The following RCOR1 variants were observed in gnomAD, a reference collection of about 807,000 sequenced individuals.
The protein encoded by RCOR1 is REST corepressor 1.
RCOR1 carries 12 observed loss-of-function variants against 64.0 expected under a neutral mutation model. That is an observed-to-expected ratio of 0.19 (90% confidence interval 0.12 to 0.30). The LOEUF is 0.30. Among genes scored for constraint, RCOR1 ranks in the 10% least tolerant of loss-of-function variants. RCOR1 has a pLI of 1.00. For missense variants in RCOR1, 502 were observed against 621.2 expected, an observed-to-expected ratio of 0.81 and a Z score of 2.04; for synonymous variants, 279 against 227.2, an observed-to-expected ratio of 1.23 and a Z score of -2.05.
intron 2 of RCOR1, chr14:102,655,974 C>CAA (rs1431681895): frequency 1.0e-6 from 1 of 983,854 alleles, no homozygotes; most frequent in African/African-American, 1.8e-5. Context: ...CACACACACA[C>CAA]ACACACACAC....
Position 102,659,369 on chromosome 14 carries a change from A to G in RCOR1, c.362-22526A>G, listed in dbSNP as rs372871632. The stretch of plus-strand genomic sequence containing the variant: ...AAAGTCTTCCGTTTTTATTTTGGCT[A>G]TTCTGGTGGTGGGTAACAATATTAA... On this transcript the variant is annotated intron_variant, in intron 2 of 11. Transcript: ENST00000262241. 2.2e-5 allele frequency: 14 copies of G among 624,872 alleles called. No individual in the cohort carries two copies. The East Asian group carries it at 1.1e-3, about 50-fold the overall frequency. 38.7% of individuals were successfully genotyped at this position (624,872 alleles called of 1,614,324 possible). A position where few individuals can be genotyped will look rare whatever the true frequency, so the allele number is the denominator to read the frequency against.
At chr14:102,682,370 TC>T (rs1457147287) in intron 3 of RCOR1, among the ~76,000 whole-genome samples, 7 of 152,194 alleles carry the variant, frequency 4.6e-5, no homozygotes, top group Non-Finnish European at 8.8e-5. Context: ...CTTCAGGTGA[TC>T]CGCCTGCCAT....
chr14:102,695,936 G>A (rs1054745531), intron 3 of RCOR1, among the ~76,000 whole-genome samples: 7 of 151,924 alleles, frequency 4.6e-5, no homozygotes, highest in African/African-American at 1.7e-4. Flanking sequence ...CAGTTTCTTT[G>A]TGAATGAGAG....
intron 4 of RCOR1, among the ~76,000 whole-genome samples, chr14:102,706,125 A>C (rs1895850597): frequency 6.8e-6 from 1 of 147,484 alleles, no homozygotes; most frequent in Non-Finnish European, 1.5e-5. Flanking sequence ...AAAAAAAAAA[A>C]AAAAAAAAAA....
intron 8 of RCOR1, among the ~76,000 whole-genome samples, chr14:102,719,502 TGGTTTTCTGTCCTTGC>T (rs1896134876): frequency 6.6e-6 from 1 of 152,186 alleles, no homozygotes; most frequent in African/African-American, 2.4e-5. Context: ...ATGCGGTGTT[TGGTTTTCTGTCCTTGC>T]GATAGTTTGC....
At chr14:102,674,918 G>T (rs1257225980) in intron 2 of RCOR1, among the ~76,000 whole-genome samples, 1 of 151,736 alleles carries the variant, frequency 6.6e-6, no homozygotes. Flanking sequence ...AAATTAGCAG[G>T]GCGTGGTGGC....
Position 102,592,837 on chromosome 14 carries a change from C to G in RCOR1, c.-50C>G. On this transcript the variant is annotated 5_prime_UTR_variant, in exon 1 of 12. Transcript: ENST00000262241. ...CCCTCCCCCGTCTCGGCGCCCCCTC[C>G]TCAGGAGCCGCGGGTCCCCGCCACT... 8.5e-7 allele frequency: 1 copy of G among 1,177,088 alleles called. No homozygotes were observed. Among genetic ancestry groups the G allele is most frequent in the Non-Finnish European group, 1.0e-6 (1 of 954,590 alleles). 72.9% of individuals were successfully genotyped at this position (1,177,088 alleles called of 1,614,324 possible).
At chr14:102,670,267 TA>T (rs1895005445) in intron 2 of RCOR1, among the ~76,000 whole-genome samples, 2 of 152,230 alleles carry the variant, frequency 1.3e-5, no homozygotes, top group Admixed American at 1.3e-4. Context: ...TTTACCTTTT[TA>T]AAAAGCTTTA....
intron 2 of RCOR1, among the ~76,000 whole-genome samples, chr14:102,626,649 G>C (rs1893987863): frequency 6.6e-6 from 1 of 152,184 alleles, no homozygotes; most frequent in Non-Finnish European, 1.5e-5. Flanking sequence ...AAAAGCAGCT[G>C]ATTTGGGGTA....
At chr14:102,650,939 T>C in intron 2 of RCOR1, 1 of 745,086 alleles carries the variant, frequency 1.3e-6, no homozygotes, top group Non-Finnish European at 1.6e-6. Context: ...AATTATCTTA[T>C]TACTAATAAT....
Position 102,681,477 on chromosome 14 carries a change from T to C in RCOR1, c.362-418T>C, listed in dbSNP as rs550539760. Among the ~76,000 whole-genome samples the C allele has an allele frequency of 3.3e-5, 5 of 152,150 alleles. No individual in the cohort carries two copies. In the South Asian group the frequency reaches 1.0e-3, roughly 32 times the overall value. On this transcript the variant is annotated intron_variant, in intron 2 of 11. Coordinates refer to ENST00000262241, the MANE Select transcript of RCOR1 (RefSeq NM_015156.4). ...AGAAGTTTCCTTTCAGGTTAAACTT[T>C]TTAAATAGTTATTCTTTAATAATGC... is the stretch of plus-strand genomic sequence containing the variant.
chr14:102,607,307 TTG>T (rs1893531302), intron 2 of RCOR1, among the ~76,000 whole-genome samples: 1 of 152,180 alleles, frequency 6.6e-6, no homozygotes, highest in African/African-American at 2.4e-5. Context: ...TAGGGAAAAA[TTG>T]TCTTTTAAAT....
At chr14:102,698,713 G>A (rs999875746) in intron 3 of RCOR1, among the ~76,000 whole-genome samples, 18 of 152,086 alleles carry the variant, frequency 1.2e-4, no homozygotes, top group African/African-American at 4.3e-4. Context: ...TTCTAGGTCT[G>A]GTATGCTGCC....
At chr14:102,705,315 C>T (rs1039611011) in intron 4 of RCOR1, among the ~76,000 whole-genome samples, 2 of 152,272 alleles carry the variant, frequency 1.3e-5, no homozygotes, top group African/African-American at 2.4e-5. Context: ...TTCCGAATCA[C>T]GTTCTAATTG....
At chr14:102,628,408 C>T (rs1372109487) in intron 2 of RCOR1, among the ~76,000 whole-genome samples, 3 of 152,110 alleles carry the variant, frequency 2.0e-5, no homozygotes, top group Non-Finnish European at 4.4e-5. Flanking sequence ...AATATAGTCC[C>T]TATAAGAGCT....
At chr14:102,628,445 G>A (rs1194768088) in intron 2 of RCOR1, among the ~76,000 whole-genome samples, 5 of 151,212 alleles carry the variant, frequency 3.3e-5, no homozygotes, top group Admixed American at 1.3e-4. Flanking sequence ...TCCACTACCC[G>A]CTCCCCCGCT....
At chr14:102,669,309 G>GA (rs11407477) in intron 2 of RCOR1, among the ~76,000 whole-genome samples, 39,778 of 131,960 alleles carry the variant, frequency 0.3, 6,252 homozygotes, top group African/African-American at 0.44. Flanking sequence ...AACTCGGTCT[G>GA]AAAAAAAAAA....
intron 2 of RCOR1, among the ~76,000 whole-genome samples, chr14:102,609,054 T>A (rs1442996885): frequency 4.0e-5 from 6 of 149,724 alleles, no homozygotes; most frequent in Non-Finnish European, 7.4e-5. Flanking sequence ...TTTTTTAAAT[T>A]TTTATTTTGA....
chr14:102,651,317 G>C (rs546926764), intron 2 of RCOR1, among the ~76,000 whole-genome samples: 6 of 152,170 alleles, frequency 3.9e-5, no homozygotes, highest in Non-Finnish European at 8.8e-5. Context: ...CACTTTAGGA[G>C]GCCGAGGAAG....
Sources: allele counts gnomAD v4.1 joint callset (sites outside exome capture counted in the v4.1 genomes callset), GRCh38; gene constraint gnomAD v4.1.1; transcripts MANE v1.5; gene names NCBI Gene and HGNC (gene_info 2026-07-23, HGNC 2026-07-21).